Variants in SLC25A23 observed in about 807,000 individuals in gnomAD.
The protein encoded by SLC25A23 is solute carrier family 25 member 23.
A neutral mutation model predicts 53.9 loss-of-function variants in SLC25A23; 32 were observed. That is an observed-to-expected ratio of 0.59 (90% CI 0.45 to 0.80). SLC25A23 has a LOEUF of 0.80. Ranked by LOEUF, SLC25A23 falls within the 30% of genes least tolerant of loss-of-function variation. The probability of loss-of-function intolerance (pLI) is 0.00; values close to 1 mark genes in which losing one functional copy is unlikely to be tolerated. For synonymous variants in SLC25A23, 275 were observed against 264.5 expected (o/e 1.04, Z -0.38); for missense variants, 575 against 651.4 (o/e 0.88, Z 1.28).
rs372718581 is a variant in SLC25A23 at position 6,453,942 on chromosome 19, C to A, written c.903+39G>T. The A allele has an allele frequency of 2.9e-4, 450 of 1,526,836 alleles. No homozygotes were observed. The highest frequency in any genetic ancestry group is 3.9e-4 in the Non-Finnish European group (434 of 1,113,628). The allele number at this position is 1,526,836 out of a possible 1,614,324, so 94.6% of individuals were successfully genotyped here. On this transcript the variant is annotated intron_variant, in intron 7 of 9. Transcript: ENST00000301454. Reference sequence around the variant, plus strand: ...TGAGATGGGTACAGCAGGCCCCCCACCCTGCCATGGGGCCTCCGCTGGGGT... The same window carrying A: ...TGAGATGGGTACAGCAGGCCCCCCAACCTGCCATGGGGCCTCCGCTGGGGT...
rs541806869 is a variant in SLC25A23, at chr19:6,451,266, G to A, written c.1071+1046C>T. Among the ~76,000 whole-genome samples, 6 of 151,376 alleles carry A rather than the reference G, an allele frequency of 4.0e-5. No homozygotes were observed. In the Admixed American group the frequency reaches 4.0e-4, roughly 10 times the overall value. On this transcript the variant is annotated intron_variant, in intron 8 of 9. Coordinates refer to ENST00000301454, the MANE Select transcript of SLC25A23 (RefSeq NM_024103.3). ...TAGCCGGGCATGGTGATGCATGCCT[G>A]TAATCCCAGCTACTCGGGAGACTGA...
In SLC25A23 at chr19:6,457,065, C is replaced by CT. The variant is rs35460136; in HGVS notation, c.371+437dup. On this transcript the variant is annotated intron_variant, in intron 3 of 9. Transcript: ENST00000301454. ...CTGGCTTCAATTTGAATTTTTCTTT[C>CT]TTTTTTTTTTTTTTTTTCCAGAAGG... 6.1e-3 allele frequency among the ~76,000 whole-genome samples: 810 copies of CT among 132,082 alleles called. 4 individuals are homozygous for CT. The highest frequency in any genetic ancestry group is 0.018 in the East Asian group (86 of 4,652). 86.7% of individuals were successfully genotyped at this position (132,082 alleles called of 152,430 possible). A position where few individuals can be genotyped will look rare whatever the true frequency, so the allele number is the denominator to read the frequency against.
At position 6,442,088 on chromosome 19, in the gene SLC25A23, G is replaced by C. The variant is rs563978358; in HGVS notation, c.1294C>G (p.Arg432Gly). 3.7e-6 allele frequency: 6 copies of C among 1,611,256 alleles called. No homozygotes were observed. The Admixed American group carries it at 8.4e-5, about 22-fold the overall frequency. Residue 432 changes from arginine (R) to glycine (G), a missense_variant, in exon 10 of 10, where the codon CGG becomes GGG. By Grantham distance (125) the Arg-to-Gly change is moderately radical. Transcript: ENST00000301454. The part of the protein sequence containing the change: ...LRHILSQEGM[R>G]GLYRGIAPNF... ...GGGGCGATCCCCCGGTAGAGGCCCC[G>C]CATGCCCTCCTGGGACAGGATGTGA...
intron 4 of SLC25A23, chr19:6,455,823 A>T (rs2092673578): frequency 3.2e-6 from 1 of 314,554 alleles, no homozygotes. Flanking sequence ...GGTTCACGCC[A>T]TTCTCCTGCC....
chr19:6,454,359 G>A lies in SLC25A23; in HGVS notation c.759C>T (p.Ala253=). The A allele has an allele frequency of 6.2e-7, 1 of 1,614,158 alleles. No individual in the cohort carries two copies. Among genetic ancestry groups the A allele is most frequent in the Non-Finnish European group, 8.5e-7 (1 of 1,180,016 alleles). Residue 253 remains alanine (A), a synonymous_variant, in exon 6 of 10, where the codon GCC becomes GCT. Transcript: ENST00000301454. The surrounding 1 kb of genome is among the most constrained non-coding windows in gnomAD (Gnocchi z 4.3). ...RGNGINVLKI[A]PESAIKFMAY... ...CCATGAACTTGATAGCTGACTCGGG[G>A]GCAATCTTGAGTACATTAATACCAT...
chr19:6,451,928 G>A (rs1441478947), intron 8 of SLC25A23, among the ~76,000 whole-genome samples: 1 of 150,950 alleles, frequency 6.6e-6, no homozygotes, highest in Non-Finnish European at 1.5e-5. Flanking sequence ...CGGGATGTTG[G>A]CTCACTGCAA....
intron 4 of SLC25A23, among the ~76,000 whole-genome samples, chr19:6,455,707 G>GTTTTTTTTTTTT (rs529957147): frequency 2.7e-4 from 34 of 124,948 alleles, no homozygotes; most frequent in African/African-American, 9.2e-4. Flanking sequence ...TGAAGACCGT[G>GTTTTTTTTTTTT]TTTTTTTTTT....
At position 6,459,425 on chromosome 19, in the gene SLC25A23, G is replaced by A. The variant is rs1285367870; in HGVS notation, c.156+48C>T. 1 of 1,522,268 alleles carries A rather than the reference G, an allele frequency of 6.6e-7. No homozygotes were observed. Among genetic ancestry groups the A allele is most frequent in the Non-Finnish European group, 8.8e-7 (1 of 1,138,820 alleles). 94.3% of individuals were successfully genotyped at this position (1,522,268 alleles called of 1,614,324 possible). A position where few individuals can be genotyped will look rare whatever the true frequency, so the allele number is the denominator to read the frequency against. ...CCCAGTTCAGGGGCTTGGGTAACCG[G>A]GAGCGGGCGGGGCCGGGAGGGGAGG... On this transcript the variant is annotated intron_variant, in intron 1 of 9. Coordinates refer to ENST00000301454, the MANE Select transcript of SLC25A23 (RefSeq NM_024103.3). This position sits in a 1 kb window ranked among gnomAD's most constrained non-coding sequence, Gnocchi z 4.6.
chr19:6,444,381 G>A lies in SLC25A23; in HGVS notation c.1072-80C>T, dbSNP rs563040456. The A allele has an allele frequency of 3.1e-5, 45 of 1,444,580 alleles. No homozygotes were observed. The African/African-American group carries it at 4.0e-4, about 13-fold the overall frequency. The allele number at this position is 1,444,580 out of a possible 1,614,324, so 89.5% of individuals were successfully genotyped here. ...CTTCAAAGGCCTGCTGGCCGGTTCT[G>A]TATCCCATGACAGGTGCTACTAGCT... is the stretch of plus-strand genomic sequence containing the variant. On this transcript the variant is annotated intron_variant, in intron 8 of 9. Transcript: ENST00000301454.
chr19:6,444,481 C>T (rs2092474699), intron 8 of SLC25A23, among the ~76,000 whole-genome samples, 180 bp from the exon 9 acceptor site: 1 of 152,138 alleles, frequency 6.6e-6, no homozygotes, highest in Non-Finnish European at 1.5e-5. Context: ...TCTGGACCCT[C>T]TCTGGTAGGT....
intron 2 of SLC25A23, 60 bp from the exon 3 acceptor site, chr19:6,457,650 G>GGT: frequency 6.9e-7 from 1 of 1,451,164 alleles, no homozygotes. Context: ...GGGAACCCCA[G>GGT]GACCAAGGAT....
In SLC25A23 at chr19:6,459,779, C is replaced by A. The variant is rs149456284; in HGVS notation, c.-151G>T. 2 of 587,876 alleles carry A rather than the reference C, an allele frequency of 3.4e-6. No individual in the cohort carries two copies. The highest frequency in any genetic ancestry group is 5.6e-4 in the Middle Eastern group (1 of 1,790). The allele number at this position is 587,876 out of a possible 1,614,324, so 36.4% of individuals were successfully genotyped here. A position where few individuals can be genotyped will look rare whatever the true frequency, so the allele number is the denominator to read the frequency against. Reference sequence around the variant, plus strand: ...GCAGTCCGCTCGGCTCTGGCACTTGCGGGAGGTGGTGACGGCTAGCCGTCG... The same window carrying A: ...GCAGTCCGCTCGGCTCTGGCACTTGAGGGAGGTGGTGACGGCTAGCCGTCG... On this transcript the variant is annotated 5_prime_UTR_variant, in exon 1 of 10. Coordinates refer to ENST00000301454, the MANE Select transcript of SLC25A23 (RefSeq NM_024103.3). This position sits in a 1 kb window ranked among gnomAD's most constrained non-coding sequence, Gnocchi z 4.6.
rs2092656996 is a variant in SLC25A23 at position 6,454,997 on chromosome 19, G to T, written c.484-280C>A. ...CCTATTCAAGTATCTGCCACATAAA[G>T]ATCCCTCCAGGCTAGATGTGATGCC... On this transcript the variant is annotated intron_variant, in intron 4 of 9. Coordinates refer to ENST00000301454, the MANE Select transcript of SLC25A23 (RefSeq NM_024103.3). This position sits in a 1 kb window ranked among gnomAD's most constrained non-coding sequence, Gnocchi z 4.3. Among the ~76,000 whole-genome samples the T allele has an allele frequency of 6.6e-6, 1 of 152,152 alleles. No homozygotes were observed. Among genetic ancestry groups the T allele is most frequent in the South Asian group, 2.1e-4 (1 of 4,832 alleles).
intron 8 of SLC25A23, among the ~76,000 whole-genome samples, chr19:6,444,856 A>G (rs2092479872): frequency 6.6e-6 from 1 of 151,886 alleles, no homozygotes; most frequent in Non-Finnish European, 1.5e-5. Context: ...TTTAGTAGAG[A>G]CAGGGTTTCA....
In SLC25A23 at chr19:6,454,580, G is replaced by T. The variant is rs1319843451; in HGVS notation, c.621C>A (p.Asp207Glu). The change falls in exon 5 of 10, where the codon GAC becomes GAA. Residue 207 changes from aspartate (D) to glutamate (E), a missense_variant. By Grantham distance (45) the Asp-to-Glu change is conservative. Coordinates refer to ENST00000301454, the MANE Select transcript of SLC25A23 (RefSeq NM_024103.3). This position sits in a 1 kb window ranked among gnomAD's most constrained non-coding sequence, Gnocchi z 4.3. ...AVSRTGTAPL[D>E]RLKVFMQVHA... ...TCACCTGCATGAAGACCTTGAGGCGGTCCAGAGGGGCCGTGCCTGTCCGTG... is the reference window on the plus strand; with the variant it reads ...TCACCTGCATGAAGACCTTGAGGCGTTCCAGAGGGGCCGTGCCTGTCCGTG... The T allele has an allele frequency of 1.2e-6, 2 of 1,613,736 alleles. No individual in the cohort carries two copies. The highest frequency in any genetic ancestry group is 2.2e-5 in the East Asian group (1 of 44,876).
chr19:6,457,065 CT>C (rs35460136), intron 3 of SLC25A23, among the ~76,000 whole-genome samples: 58,105 of 131,934 alleles, frequency 0.44, 13,405 homozygotes, highest in African/African-American at 0.57. Flanking sequence ...ATTTTTCTTT[CT>C]TTTTTTTTTT....
chr19:6,455,362 T>C (rs1359915128), intron 4 of SLC25A23, among the ~76,000 whole-genome samples: 1 of 152,066 alleles, frequency 6.6e-6, no homozygotes. Context: ...AAAAGATCCC[T>C]TCAGGGCCAT....
chr19:6,455,968 T>G (rs764806788), intron 4 of SLC25A23: 2 of 1,256,858 alleles, frequency 1.6e-6, no homozygotes, highest in South Asian at 2.5e-5. Context: ...ATCCGCCCAC[T>G]TCGGCCTCCC....
In SLC25A23 at chr19:6,459,646, G is replaced by T; in HGVS notation, c.-18C>A. 5.0e-6 allele frequency: 7 copies of T among 1,390,596 alleles called. No individual in the cohort carries two copies. Among genetic ancestry groups the T allele is most frequent in the Non-Finnish European group, 5.6e-6 (6 of 1,078,316 alleles). The allele number at this position is 1,390,596 out of a possible 1,614,324, so 86.1% of individuals were successfully genotyped here. On this transcript the variant is annotated 5_prime_UTR_variant, in exon 1 of 10. Coordinates refer to ENST00000301454, the MANE Select transcript of SLC25A23 (RefSeq NM_024103.3). The surrounding 1 kb of genome is among the most constrained non-coding windows in gnomAD (Gnocchi z 4.6). ...CCCCGCATGGCGCCCGCCCGGGGGG[G>T]AGGGGAGGCCCGGCAGCGGCGGCCT...
Sources: gnomAD v4.1 joint callset for allele counts (sites outside exome capture counted in the v4.1 genomes callset) on GRCh38, gnomAD v4.1.1 for gene constraint, Gnocchi (gnomAD v3.1) non-coding constraint, MANE v1.5 for transcripts, NCBI Gene and HGNC (gene_info 2026-07-23, HGNC 2026-07-21) for gene names.